The following VPS37A variants were observed in gnomAD, a reference collection of about 807,000 sequenced individuals.
VPS37A encodes vacuolar protein sorting-associated protein 37A.
Under a neutral mutation model 49.8 loss-of-function variants are expected in VPS37A, and 30 were observed. The ratio of observed to expected loss-of-function variants is 0.60; its 90% confidence interval spans 0.45 to 0.82. VPS37A has a LOEUF of 0.82. Ranked by LOEUF, VPS37A falls within the 40% of genes least tolerant of loss-of-function variation. The pLI is 0.00. For missense variants in VPS37A, 593 were observed against 464.4 expected (o/e 1.28, Z -2.55); for synonymous variants, 195 against 160.6 (o/e 1.21, Z -1.62).
chr8:17,272,019 C>T (rs1368565031), intron 4 of VPS37A: 4 of 456,600 alleles, frequency 8.8e-6, no homozygotes, highest in Non-Finnish European at 1.8e-5. Context: ...TGGCACCATC[C>T]GCACTGCCTG....
intron 1 of VPS37A, chr8:17,247,864 T>C: frequency 3.0e-6 from 2 of 670,338 alleles, no homozygotes; most frequent in South Asian, 1.6e-5. Flanking sequence ...GAGTCACTTA[T>C]CACGTAGTCA....
At chr8:17,264,868 C>A (rs748024677) in intron 1 of VPS37A, among the ~76,000 whole-genome samples, 5 of 152,072 alleles carry the variant, frequency 3.3e-5, no homozygotes, top group Admixed American at 6.6e-5. Context: ...AAGTGAGCCC[C>A]CAAAAGACTT....
intron 11 of VPS37A, among the ~76,000 whole-genome samples, chr8:17,293,120 C>T (rs1178658583): frequency 1.3e-5 from 2 of 151,988 alleles, no homozygotes; most frequent in South Asian, 4.2e-4. Flanking sequence ...TTCACATAGT[C>T]CCATGTTTCT....
downstream of VPS37A, among the ~76,000 whole-genome samples, chr8:17,305,484 C>G (rs1321215385): frequency 2.0e-5 from 3 of 152,068 alleles, no homozygotes; most frequent in Non-Finnish European, 1.5e-5. Context: ...TTTTTTGACT[C>G]CAGAAAATTC....
At position 17,280,449 on chromosome 8, in the gene VPS37A, A is replaced by G. The variant is rs757678084; in HGVS notation, c.969+6A>G. On this transcript the variant is annotated splice_donor_region_variant and intron_variant, in intron 9 of 11. Coordinates refer to ENST00000324849, the MANE Select transcript of VPS37A (RefSeq NM_152415.3). ...GGCAGCATGAACTTAGTGAGGTAAG[A>G]CTGTTTATTTTTTTCCCTTTGCCAT... is the stretch of plus-strand genomic sequence containing the variant. 4.9e-5 allele frequency: 78 copies of G among 1,587,318 alleles called. No individual in the cohort carries two copies. The highest frequency in any genetic ancestry group is 6.1e-5 in the Non-Finnish European group (72 of 1,172,700).
At chr8:17,299,009 C>CTAACT (rs1449745719), downstream of VPS37A, 1 of 152,164 alleles carries the variant, frequency 6.6e-6, no homozygotes, top group African/African-American at 2.4e-5. Flanking sequence ...GTTTTATCTA[C>CTAACT]TAACTTTATA....
At chr8:17,323,661 T>C in the VPS37A span, among the ~76,000 whole-genome samples, 2 of 152,094 alleles carry the variant, frequency 1.3e-5, no homozygotes, top group Non-Finnish European at 2.9e-5. Flanking sequence ...TGGGGGGTCA[T>C]TCCACACACC....
chr8:17,332,035 GAAGGGGAC>G, the VPS37A span, among the ~76,000 whole-genome samples: 2,459 of 152,288 alleles, frequency 0.016, 74 homozygotes, highest in African/African-American at 0.057. Flanking sequence ...CTAAAATCAA[GAAGGGGAC>G]AAGTCCTACT....
chr8:17,259,953 G>T (rs184570084), intron 1 of VPS37A, among the ~76,000 whole-genome samples: 2 of 152,096 alleles, frequency 1.3e-5, no homozygotes, highest in African/African-American at 4.8e-5. Flanking sequence ...TTCAGTCTAC[G>T]TGTGTCTTTT....
chr8:17,295,291 T>A lies in VPS37A; in HGVS notation c.*305T>A, dbSNP rs1352112286. 6.5e-6 allele frequency: 1 copy of A among 152,684 alleles called. No homozygotes were observed. Among genetic ancestry groups the A allele is most frequent in the Non-Finnish European group, 1.5e-5 (1 of 68,048 alleles). 9.5% of individuals were successfully genotyped at this position (152,684 alleles called of 1,614,324 possible). The stretch of plus-strand genomic sequence containing the variant: ...CCTATGCATGTACTTTTAGCTAGTT[T>A]TTAATATTTTATAAAACTTCATTTA... On this transcript the variant is annotated 3_prime_UTR_variant, in exon 12 of 12. Coordinates refer to ENST00000324849, the MANE Select transcript of VPS37A (RefSeq NM_152415.3).
chr8:17,313,344 C>G, the VPS37A span: 2 of 1,612,878 alleles, frequency 1.2e-6, no homozygotes, highest in African/African-American at 1.3e-5. Context: ...CCTTAACCAG[C>G]CAGAGTTCTC....
At chr8:17,321,106 A>G in the VPS37A span, among the ~76,000 whole-genome samples, 1 of 152,218 alleles carries the variant, frequency 6.6e-6, no homozygotes, top group Non-Finnish European at 1.5e-5. Context: ...ATACCTTGGC[A>G]TCTAAGCTCT....
chr8:17,312,561 C>T, the VPS37A span, among the ~76,000 whole-genome samples: 5 of 116,898 alleles, frequency 4.3e-5, no homozygotes, highest in African/African-American at 1.7e-4. Flanking sequence ...GGTGACAGAG[C>T]GAGACTCCCT....
intron 10 of VPS37A, among the ~76,000 whole-genome samples, chr8:17,285,148 T>C (rs1312576211): frequency 2.0e-5 from 3 of 152,210 alleles, no homozygotes; most frequent in Non-Finnish European, 4.4e-5. Flanking sequence ...TTTTGAGTGC[T>C]GTGAGAGGAA....
At position 17,296,021 on chromosome 8, in the gene VPS37A, A is replaced by G. The variant is rs896168313; in HGVS notation, c.*1035A>G. ...CTCATAAAGGAAAATGCCGTGAACT[A>G]TGTAGCTCAGGCTTGGTAAGGTGCC... On this transcript the variant is annotated 3_prime_UTR_variant, in exon 12 of 12. Coordinates refer to ENST00000324849, the MANE Select transcript of VPS37A (RefSeq NM_152415.3). 1.3e-5 allele frequency: 2 copies of G among 152,208 alleles called. No homozygotes were observed. The highest frequency in any genetic ancestry group is 1.9e-4 in the East Asian group (1 of 5,190). The allele number at this position is 152,208 out of a possible 1,614,324, so 9.4% of individuals were successfully genotyped here.
intron 3 of VPS37A, among the ~76,000 whole-genome samples, 165 bp downstream of exon 3, chr8:17,268,537 A>G (rs536206105): frequency 3.3e-5 from 5 of 152,192 alleles, no homozygotes; most frequent in Admixed American, 2.0e-4. Flanking sequence ...ACAATATGAT[A>G]TGGTTGATTG....
At position 17,265,532 on chromosome 8, in the gene VPS37A, T is replaced by C. The variant is rs114062494; in HGVS notation, c.126-375T>C. ...ACCCAGACTTCCCCAGCTGCCGATA[T>C]TGCTTAATAGTGGCAGTTAAAACCC... On this transcript the variant is annotated intron_variant, in intron 1 of 11. Transcript: ENST00000324849. Among the ~76,000 whole-genome samples the C allele has an allele frequency of 4.8e-3, 738 of 152,332 alleles. 9 individuals carry two copies. The highest frequency in any genetic ancestry group is 0.017 in the African/African-American group (696 of 41,580).
At chr8:17,273,023 C>CTTTT (rs1166192119) in intron 4 of VPS37A, among the ~76,000 whole-genome samples, 676 of 43,720 alleles carry the variant, frequency 0.015, 23 homozygotes, top group African/African-American at 0.031. Context: ...TTTGCCCTTC[C>CTTTT]TTTTTTTTTT....
At chr8:17,313,436 A>C in the VPS37A span, 2 of 1,345,446 alleles carry the variant, frequency 1.5e-6, no homozygotes, top group Non-Finnish European at 1.1e-6. Flanking sequence ...AGCAAAATTA[A>C]GGTACTCTCT....
Sources: allele counts gnomAD v4.1 joint callset (sites outside exome capture counted in the v4.1 genomes callset), GRCh38; gene constraint gnomAD v4.1.1; transcripts MANE v1.5; gene names NCBI Gene and HGNC (gene_info 2026-07-23, HGNC 2026-07-21).